CHRM3: variants seen among roughly 807,000 people sequenced by gnomAD.
The protein encoded by CHRM3 is cholinergic receptor muscarinic 3.
A neutral mutation model predicts 41.8 loss-of-function variants in CHRM3; 11 were observed. That is an observed-to-expected ratio of 0.26 (90% CI 0.17 to 0.44). The LOEUF is 0.44. Among genes scored for constraint, CHRM3 ranks in the 20% least tolerant of loss-of-function variants. The pLI, the probability that CHRM3 is intolerant of heterozygous loss-of-function variation, is 1.00. For missense variants in CHRM3, 571 were observed against 745.4 expected, an observed-to-expected ratio of 0.77 and a Z score of 2.72; for synonymous variants, 297 against 301.4, an observed-to-expected ratio of 0.99 and a Z score of 0.15.
chr1:239,682,072 T>C (rs1658623671), intron 5 of CHRM3, among the ~76,000 whole-genome samples: 1 of 152,308 alleles, frequency 6.6e-6, no homozygotes, highest in South Asian at 2.1e-4. Context: ...TTAAGCTTCC[T>C]CTTAAATATT....
chr1:239,662,277 C>T (rs1454831331), intron 4 of CHRM3, among the ~76,000 whole-genome samples: 1 of 152,088 alleles, frequency 6.6e-6, no homozygotes, highest in Non-Finnish European at 1.5e-5. Context: ...AAACCTGCCT[C>T]CCATAAGCAG....
chr1:239,831,427 A>G (rs1476388657), intron 6 of CHRM3, among the ~76,000 whole-genome samples: 1 of 152,148 alleles, frequency 6.6e-6, no homozygotes, highest in Non-Finnish European at 1.5e-5. Context: ...GATTAAGGCA[A>G]CACAGTGTCA....
intron 1 of CHRM3, among the ~76,000 whole-genome samples, chr1:239,388,874 G>A (rs1658772405): frequency 6.6e-6 from 1 of 152,128 alleles, no homozygotes; most frequent in Non-Finnish European, 1.5e-5. Flanking sequence ...GTCTCAATTA[G>A]CTTAATACAT....
chr1:239,734,764 A>G (rs1056828803), intron 5 of CHRM3, among the ~76,000 whole-genome samples: 5 of 152,116 alleles, frequency 3.3e-5, no homozygotes, highest in African/African-American at 1.2e-4. Flanking sequence ...ACTGATGAGT[A>G]TGCAGGCAAA....
chr1:239,465,846 G>A (rs928353802), intron 1 of CHRM3, among the ~76,000 whole-genome samples: 7 of 151,942 alleles, frequency 4.6e-5, no homozygotes, highest in Non-Finnish European at 1.5e-5. Flanking sequence ...CATCTCCCCT[G>A]CTTCCCTGTC....
At chr1:239,450,984 G>A (rs1664516829) in intron 1 of CHRM3, among the ~76,000 whole-genome samples, 1 of 152,164 alleles carries the variant, frequency 6.6e-6, no homozygotes, top group Non-Finnish European at 1.5e-5. Context: ...GAGCCCAGGA[G>A]TTTAAGGCTG....
intron 4 of CHRM3, among the ~76,000 whole-genome samples, chr1:239,673,528 G>A (rs1452619622): frequency 6.6e-6 from 1 of 151,992 alleles, no homozygotes; most frequent in Non-Finnish European, 1.5e-5. Context: ...AGCTATGTTT[G>A]CTTTTTATTT....
intron 6 of CHRM3, among the ~76,000 whole-genome samples, chr1:239,865,976 G>T (rs949239013): frequency 6.6e-6 from 1 of 152,070 alleles, no homozygotes; most frequent in Admixed American, 6.5e-5. Flanking sequence ...CTATTTTCAG[G>T]GTGTTCCATG....
intron 6 of CHRM3, among the ~76,000 whole-genome samples, chr1:239,886,830 CTG>C (rs1678113058): frequency 1.3e-5 from 2 of 152,168 alleles, no homozygotes; most frequent in African/African-American, 2.4e-5. Flanking sequence ...CCGGGTTTCT[CTG>C]TGAACCACGT....
intron 3 of CHRM3, among the ~76,000 whole-genome samples, chr1:239,592,901 T>C (rs542657399): frequency 4.6e-5 from 7 of 152,240 alleles, no homozygotes; most frequent in Admixed American, 1.3e-4. Flanking sequence ...TGTTCTTTTT[T>C]GTTGGACTCA....
chr1:239,583,036 G>A (rs1358532163), intron 3 of CHRM3, among the ~76,000 whole-genome samples: 44 of 152,124 alleles, frequency 2.9e-4, no homozygotes, highest in Non-Finnish European at 1.5e-4. Flanking sequence ...TTCAATGCCA[G>A]CCACCATCTT....
intron 5 of CHRM3, among the ~76,000 whole-genome samples, chr1:239,821,450 T>C (rs959981438): frequency 1.5e-4 from 23 of 152,282 alleles, no homozygotes; most frequent in African/African-American, 5.3e-4. Context: ...ACATCCACTA[T>C]CAGGATATTC....
chr1:239,754,448 G>T (rs1350523360), intron 5 of CHRM3, among the ~76,000 whole-genome samples: 2 of 152,156 alleles, frequency 1.3e-5, no homozygotes, highest in Non-Finnish European at 2.9e-5. Flanking sequence ...CCTTCCAGGA[G>T]GCATTTGCAA....
At chr1:239,399,008 G>C (rs951587658) in intron 1 of CHRM3, among the ~76,000 whole-genome samples, 1 of 152,122 alleles carries the variant, frequency 6.6e-6, no homozygotes, top group East Asian at 1.9e-4. Context: ...AAAAGAAAAA[G>C]TAATATGTTG....
At chr1:239,584,354 T>C (rs533067697) in intron 3 of CHRM3, among the ~76,000 whole-genome samples, 15 of 152,244 alleles carry the variant, frequency 9.9e-5, no homozygotes, top group African/African-American at 2.9e-4. Flanking sequence ...TCTGCCCGCC[T>C]CAGCCTCCCA....
At chr1:239,512,989 C>T (rs1267684932) in intron 2 of CHRM3, among the ~76,000 whole-genome samples, 2 of 152,098 alleles carry the variant, frequency 1.3e-5, no homozygotes, top group African/African-American at 4.8e-5. Context: ...GATATATGTT[C>T]TCATGCACTA....
At chr1:239,460,480 C>T (rs929784782) in intron 1 of CHRM3, among the ~76,000 whole-genome samples, 2 of 152,028 alleles carry the variant, frequency 1.3e-5, no homozygotes, top group African/African-American at 4.8e-5. Context: ...TCCAAGGTTG[C>T]ATTTATATTT....
intron 1 of CHRM3, among the ~76,000 whole-genome samples, chr1:239,458,500 A>G (rs1305399388): frequency 2.0e-5 from 3 of 152,200 alleles, no homozygotes; most frequent in Non-Finnish European, 4.4e-5. Flanking sequence ...GGAAGTCCCT[A>G]CTATCTTAGT....
chr1:239,656,701 A>T (rs1672753751), intron 4 of CHRM3, among the ~76,000 whole-genome samples: 1 of 152,202 alleles, frequency 6.6e-6, no homozygotes, highest in Admixed American at 6.5e-5. Context: ...TAGGTGAGTT[A>T]AATGATTTTT....
Sources: allele counts gnomAD v4.1 joint callset (sites outside exome capture counted in the v4.1 genomes callset), GRCh38; gene constraint gnomAD v4.1.1; transcripts MANE v1.5; gene names NCBI Gene and HGNC (gene_info 2026-07-23, HGNC 2026-07-21).